The following USP8 variants were observed in gnomAD, a reference collection of about 807,000 sequenced individuals.
USP8 encodes the protein ubiquitin specific peptidase 8.
In USP8, 27 loss-of-function variants were observed where a neutral mutation model predicts 130.0. The observed-to-expected ratio is 0.21, with a 90% CI of 0.15 to 0.29. The LOEUF is 0.29. Ranked by LOEUF, USP8 falls within the 10% of genes least tolerant of loss-of-function variation. The pLI, the probability that USP8 is intolerant of heterozygous loss-of-function variation, is 1.00. For synonymous variants in USP8, 392 were observed against 444.1 expected (o/e 0.88, Z 1.48); for missense variants, 1,029 against 1,312.2 (o/e 0.78, Z 3.33).
chr15:50,435,279 T>G (rs1401779740), intron 1 of USP8, among the ~76,000 whole-genome samples: 1 of 152,222 alleles, frequency 6.6e-6, no homozygotes, highest in Non-Finnish European at 1.5e-5. Flanking sequence ...TTGGGAATAT[T>G]TTAAAAAAAT....
chr15:50,438,624 A>T (rs546594616), intron 1 of USP8, among the ~76,000 whole-genome samples: 2 of 152,310 alleles, frequency 1.3e-5, no homozygotes, highest in Middle Eastern at 6.8e-3. Context: ...CACTTAAAAA[A>T]TAAATGGATA....
chr15:50,490,313 C>T lies in USP8; in HGVS notation c.2022C>T (p.Asn674=), dbSNP rs2141317358. 2 of 1,613,680 alleles carry T rather than the reference C, an allele frequency of 1.2e-6. No individual in the cohort carries two copies. The highest frequency in any genetic ancestry group is 1.7e-6 in the Non-Finnish European group (2 of 1,179,922). ...TTCGTTATTATCATTCACCCACCAA[C>T]ACTGTTCATATGTACCCACCGGAAA... ...GTFRYYHSPT[N]TVHMYPPEMA... Residue 674 remains asparagine, a synonymous_variant, in exon 14 of 20, where the codon AAC becomes AAT. Coordinates refer to ENST00000307179, the MANE Select transcript of USP8 (RefSeq NM_005154.5).
chr15:50,495,201 T>G (rs2052329443), intron 16 of USP8, among the ~76,000 whole-genome samples: 1 of 149,050 alleles, frequency 6.7e-6, no homozygotes, highest in South Asian at 2.1e-4. Context: ...TATATATATA[T>G]ATACACACAC....
chr15:50,432,087 C>T (rs1196184042), intron 1 of USP8, among the ~76,000 whole-genome samples: 1 of 152,058 alleles, frequency 6.6e-6, no homozygotes, highest in African/African-American at 2.4e-5. Context: ...GTCTGTTGAT[C>T]CCATTACTGT....
chr15:50,493,092 G>A (rs777569679), intron 15 of USP8, 179 bp downstream of exon 15: 7 of 714,088 alleles, frequency 9.8e-6, no homozygotes, highest in African/African-American at 3.5e-5. Flanking sequence ...TCTAGGTGCC[G>A]GCATCTGGTG....
intron 2 of USP8, among the ~76,000 whole-genome samples, chr15:50,439,730 C>T (rs1214659481): frequency 2.0e-5 from 3 of 151,020 alleles, no homozygotes; most frequent in East Asian, 2.0e-4. Context: ...GCGGAGGTTT[C>T]GGTGAGCCGA....
At chr15:50,450,728 C>T (rs1045372405) in intron 4 of USP8, among the ~76,000 whole-genome samples, 2 of 152,086 alleles carry the variant, frequency 1.3e-5, no homozygotes, top group Admixed American at 6.6e-5. Flanking sequence ...GCCTCGGCCT[C>T]CCAAAGTGCT....
At chr15:50,448,345 A>G (rs1192471141) in intron 3 of USP8, among the ~76,000 whole-genome samples, 1 of 152,134 alleles carries the variant, frequency 6.6e-6, no homozygotes, top group Non-Finnish European at 1.5e-5. Context: ...AACTACTGCA[A>G]TGTCATACCA....
chr15:50,448,239 T>A (rs1595917160), intron 3 of USP8, among the ~76,000 whole-genome samples: 1 of 152,346 alleles, frequency 6.6e-6, no homozygotes, highest in South Asian at 2.1e-4. Context: ...ATGATTATTA[T>A]AATTTGTAAT....
Position 50,459,014 on chromosome 15 carries a change from A to G in USP8, c.350A>G (p.Glu117Gly). 1 of 1,613,156 alleles carries G rather than the reference A, an allele frequency of 6.2e-7. No individual in the cohort carries two copies. The highest frequency in any genetic ancestry group is 8.5e-7 in the Non-Finnish European group (1 of 1,179,996). Residue 117 changes from glutamate to glycine, a missense_variant, in exon 5 of 20, where the codon GAA becomes GGA. Physicochemically the swap from Glu to Gly is moderately conservative, Grantham distance 98. This residue lies in a region of USP8 where 281 missense variants were observed against 336.7 expected (regional missense o/e 0.83). Coordinates refer to ENST00000307179, the MANE Select transcript of USP8 (RefSeq NM_005154.5). The stretch of plus-strand genomic sequence containing the variant: ...TTTTCAACTAGATATGAAGAAGCTG[A>G]AGTCCGGAAAAAACTTGAGGAAAAA... ...ESLKLRYEEAEVRKKLEEKDR... is the reference protein window; with the variant it reads ...ESLKLRYEEAGVRKKLEEKDR...
At chr15:50,451,842 A>G (rs2050637675) in intron 4 of USP8, among the ~76,000 whole-genome samples, 1 of 152,238 alleles carries the variant, frequency 6.6e-6, no homozygotes, top group South Asian at 2.1e-4. Flanking sequence ...CAGTCTGAGA[A>G]TGGGCATGAG....
At chr15:50,445,195 A>G (rs2050384683) in intron 3 of USP8, among the ~76,000 whole-genome samples, 1 of 152,078 alleles carries the variant, frequency 6.6e-6, no homozygotes, top group African/African-American at 2.4e-5. Flanking sequence ...GACTGAATGT[A>G]TGTCATTGAA....
chr15:50,477,538 T>C (rs1382689625), intron 10 of USP8, 39 bp downstream of exon 10: 1 of 1,550,460 alleles, frequency 6.4e-7, no homozygotes, highest in African/African-American at 1.4e-5. Flanking sequence ...GCTTTTGTTT[T>C]AATATTAAAT....
At chr15:50,493,747 C>CAAAA (rs1200039587) in intron 15 of USP8, 1 of 407,194 alleles carries the variant, frequency 2.5e-6, no homozygotes, top group East Asian at 5.9e-5. Flanking sequence ...GACCCTATCT[C>CAAAA]AAAAAAGAGT....
chr15:50,475,620 G>A (rs1366918624), intron 8 of USP8, among the ~76,000 whole-genome samples: 4 of 151,356 alleles, frequency 2.6e-5, no homozygotes, highest in East Asian at 1.9e-4. Context: ...TTTATTTTTC[G>A]AGATGAAGTC....
rs200637130 is a variant in USP8 at position 50,458,983 on chromosome 15, C to G, written c.336-17C>G. ...TAACGCCAATAAAAGACAATCTTGA[C>G]TTATTTTTTCAACTAGATATGAAGA... On this transcript the variant is annotated splice_polypyrimidine_tract_variant and intron_variant, in intron 4 of 19. Transcript: ENST00000307179. 3.7e-6 allele frequency: 6 copies of G among 1,611,284 alleles called. No individual in the cohort carries two copies. The highest frequency in any genetic ancestry group is 5.1e-6 in the Non-Finnish European group (6 of 1,179,606).
At chr15:50,452,112 T>C (rs1418282782) in intron 4 of USP8, among the ~76,000 whole-genome samples, 1 of 152,194 alleles carries the variant, frequency 6.6e-6, no homozygotes, top group East Asian at 1.9e-4. Flanking sequence ...ACCTAGTGAG[T>C]GGCTAGAAAA....
At chr15:50,490,625 C>T in intron 14 of USP8, 100 bp downstream of exon 14, 1 of 1,405,386 alleles carries the variant, frequency 7.1e-7, no homozygotes, top group Non-Finnish European at 9.5e-7. Flanking sequence ...TTGGAAATTT[C>T]TGTGGATGGC....
intron 6 of USP8, among the ~76,000 whole-genome samples, chr15:50,463,075 CCT>C (rs2051063821): frequency 6.6e-6 from 1 of 152,174 alleles, no homozygotes; most frequent in South Asian, 2.1e-4. Context: ...TGGTGAAACC[CCT>C]GTCTCTACAA....
Sources: gnomAD v4.1 joint callset for allele counts (sites outside exome capture counted in the v4.1 genomes callset) on GRCh38, gnomAD v4.1.1 for gene constraint, gnomAD v4.1.1 regional missense constraint, MANE v1.5 for transcripts, NCBI Gene and HGNC (gene_info 2026-07-23, HGNC 2026-07-21) for gene names.